ABLIM3: variants seen among roughly 807,000 people sequenced by gnomAD.
The protein encoded by ABLIM3 is actin-binding LIM protein 3.
ABLIM3 carries 61 observed loss-of-function variants against 109.5 expected under a neutral mutation model. The observed-to-expected ratio is 0.56, with a 90% CI of 0.45 to 0.69. The LOEUF is 0.69. ABLIM3 is among the 30% of genes least tolerant of loss of function. ABLIM3 has a pLI of 0.00. For missense variants in ABLIM3, 796 were observed against 889.5 expected (o/e 0.89, Z 1.34); for synonymous variants, 300 against 324.8 (o/e 0.92, Z 0.82).
At chr5:149,173,323 C>T (rs947574179) in intron 2 of ABLIM3, among the ~76,000 whole-genome samples, 11 of 152,230 alleles carry the variant, frequency 7.2e-5, no homozygotes, top group African/African-American at 2.4e-4. Flanking sequence ...TCCAGTAGAC[C>T]TCTGCCCCAT....
chr5:149,250,961 C>T (rs1377424527), intron 20 of ABLIM3, among the ~76,000 whole-genome samples: 1 of 152,146 alleles, frequency 6.6e-6, no homozygotes. Context: ...TGGCCTCTAA[C>T]ATGGCCTGTA....
chr5:149,189,952 A>G (rs527323988), intron 3 of ABLIM3, among the ~76,000 whole-genome samples: 2 of 152,376 alleles, frequency 1.3e-5, no homozygotes, highest in South Asian at 4.1e-4. Context: ...GCCAAAAAGT[A>G]GAAAAACTCA....
chr5:149,167,888 G>A (rs529636267), intron 2 of ABLIM3, among the ~76,000 whole-genome samples: 1 of 152,326 alleles, frequency 6.6e-6, no homozygotes, highest in South Asian at 2.1e-4. Flanking sequence ...TTTGACCTGA[G>A]ATCTGTGGGA....
In ABLIM3 at chr5:149,258,836, A is replaced by C. The variant is rs1045272538; in HGVS notation, c.*432A>C. 3.0e-5 allele frequency: 30 copies of C among 990,436 alleles called. No homozygotes were observed. Among genetic ancestry groups the C allele is most frequent in the African/African-American group, 3.5e-5 (2 of 57,330 alleles). 61.4% of individuals were successfully genotyped at this position (990,436 alleles called of 1,614,324 possible). A position where few individuals can be genotyped will look rare whatever the true frequency, so the allele number is the denominator to read the frequency against. Reference sequence around the variant, plus strand: ...GGGGCCCTCCCATGGGAAGATCTGCAGCAGTCTCCCCAAATCAGTGAGCAC... The same window carrying C: ...GGGGCCCTCCCATGGGAAGATCTGCCGCAGTCTCCCCAAATCAGTGAGCAC... On this transcript the variant is annotated 3_prime_UTR_variant, in exon 24 of 24. Coordinates refer to ENST00000309868, the MANE Select transcript of ABLIM3 (RefSeq NM_014945.5).
At position 149,210,807 on chromosome 5, in the gene ABLIM3, C is replaced by CA. The variant is rs1390023794; in HGVS notation, c.658dup (p.Arg220LysfsTer55). 6.2e-7 allele frequency: 1 copy of CA among 1,614,030 alleles called. No individual in the cohort carries two copies. The highest frequency in any genetic ancestry group is 8.5e-7 in the Non-Finnish European group (1 of 1,179,920). ...AGACTTGTGACCGATACATCAGTGGCAGAGTCTTGGAGGTGAGTGGGTATA... is the reference window on the plus strand; with the variant it reads ...AGACTTGTGACCGATACATCAGTGGCAAGAGTCTTGGAGGTGAGTGGGTATA... On this transcript the variant is annotated frameshift_variant, in exon 7 of 24. Transcript: ENST00000309868. LOFTEE classifies it high-confidence loss of function.
intron 21 of ABLIM3, 122 bp from the exon 22 acceptor site, chr5:149,252,079 T>C: frequency 1.8e-6 from 2 of 1,114,036 alleles, no homozygotes; most frequent in East Asian, 2.5e-5. Context: ...TCTCTGATGG[T>C]CAAGAGAAGG....
At chr5:149,151,015 A>G (rs1201568631) in intron 2 of ABLIM3, among the ~76,000 whole-genome samples, 1 of 152,252 alleles carries the variant, frequency 6.6e-6, no homozygotes, top group Non-Finnish European at 1.5e-5. Context: ...AATAAATAGT[A>G]TATATTAGTT....
intron 3 of ABLIM3, among the ~76,000 whole-genome samples, chr5:149,184,182 A>G (rs997929360): frequency 6.6e-6 from 1 of 152,102 alleles, no homozygotes; most frequent in Non-Finnish European, 1.5e-5. Context: ...TAAAGAAGAC[A>G]GATAATTAGC....
chr5:149,207,027 G>A lies in ABLIM3; in HGVS notation c.468G>A (p.Glu156=), dbSNP rs368280206. ...TTGCAGACTGTGCCGGGTGCAAGGA[G>A]GAGATCAAGCACGGCCAGTCACTCC... The part of the protein sequence containing the change: ...RGPSHCAGCK[E]EIKHGQSLLA... Residue 156 remains glutamate (E), a synonymous_variant, in exon 6 of 24, where the codon GAG becomes GAA. Transcript: ENST00000309868. The A allele has an allele frequency of 9.5e-5, 153 of 1,613,824 alleles. 1 individual carries two copies. The highest frequency in any genetic ancestry group is 2.2e-4 in the Admixed American group (13 of 59,978).
In ABLIM3 at chr5:149,259,432, G is replaced by A. The variant is rs182004195; in HGVS notation, c.*1028G>A. ...TCATCCTCCAGAGAGAAAATAGGCC[G>A]TGTCTCAAAGAAAGGTTCTTGGTCT... On this transcript the variant is annotated 3_prime_UTR_variant, in exon 24 of 24. Coordinates refer to ENST00000309868, the MANE Select transcript of ABLIM3 (RefSeq NM_014945.5). The A allele has an allele frequency of 1.5e-4, 235 of 1,519,074 alleles. No individual in the cohort carries two copies. Among genetic ancestry groups the A allele is most frequent in the East Asian group, 1.5e-3 (61 of 40,630 alleles). The allele number at this position is 1,519,074 out of a possible 1,614,324, so 94.1% of individuals were successfully genotyped here. A position where few individuals can be genotyped will look rare whatever the true frequency, so the allele number is the denominator to read the frequency against.
intron 2 of ABLIM3, among the ~76,000 whole-genome samples, chr5:149,143,341 C>T (rs1409700427): frequency 2.6e-5 from 4 of 151,630 alleles, no homozygotes; most frequent in Admixed American, 6.6e-5. Flanking sequence ...CCAGCCTGGG[C>T]GACAGAGTGA....
In ABLIM3 at chr5:149,252,717, AC is replaced by A. The variant is rs1754050080; in HGVS notation, c.1858-37del. 2.0e-6 allele frequency: 3 copies of A among 1,509,732 alleles called. No homozygotes were observed. The African/African-American group carries it at 4.1e-5, about 21-fold the overall frequency. The allele number at this position is 1,509,732 out of a possible 1,614,324, so 93.5% of individuals were successfully genotyped here. On this transcript the variant is annotated intron_variant, in intron 22 of 23. Transcript: ENST00000309868. ...TGTACCTGAAAGGAACAAGCCCACCACCCTCACCCAAGCTGGAGACCACCCC... is the reference window on the plus strand; with the variant it reads ...TGTACCTGAAAGGAACAAGCCCACCACCTCACCCAAGCTGGAGACCACCCC...
chr5:149,235,218 C>A (rs1187412453), intron 10 of ABLIM3, among the ~76,000 whole-genome samples: 1 of 152,146 alleles, frequency 6.6e-6, no homozygotes, highest in African/African-American at 2.4e-5. Context: ...TGAGCCCATC[C>A]CAAGCATGGC....
intron 23 of ABLIM3, among the ~76,000 whole-genome samples, chr5:149,253,293 T>C (rs182089777): frequency 8.9e-4 from 136 of 152,196 alleles, no homozygotes; most frequent in African/African-American, 3.0e-3. Flanking sequence ...GGCAGCACTA[T>C]GTGGAAGGAA....
At chr5:149,156,810 G>A (rs1318239351) in intron 2 of ABLIM3, among the ~76,000 whole-genome samples, 3 of 152,356 alleles carry the variant, frequency 2.0e-5, no homozygotes, top group Admixed American at 6.5e-5. Flanking sequence ...TGGCATGAAA[G>A]CAGCCATAGA....
intron 22 of ABLIM3, chr5:149,252,551 T>C (rs1287200052): frequency 3.6e-5 from 21 of 575,346 alleles, no homozygotes; most frequent in South Asian, 9.1e-5. Context: ...CCTAGTAGTA[T>C]TAGGGGACTC....
At chr5:149,182,194 C>T (rs570334542) in intron 2 of ABLIM3, among the ~76,000 whole-genome samples, 114 of 152,244 alleles carry the variant, frequency 7.5e-4, no homozygotes, top group Middle Eastern at 3.4e-3. Context: ...TGCTGTGAGT[C>T]CAGATTAATT....
chr5:149,252,830 G>T lies in ABLIM3; in HGVS notation c.1931G>T (p.Arg644Leu), dbSNP rs201757785. ...NRLPKDVDRT[R>L]LERHLSQEEF... ...CTGCCCAAGGATGTAGACAGGACCC[G>T]TTTAGAGGTAAGTCTAAAAAACTGA... The change falls in exon 23 of 24, where the codon CGT becomes CTT. Residue 644 changes from arginine to leucine, a missense_variant. Physicochemically the swap from Arg to Leu is moderately radical, Grantham distance 102. Transcript: ENST00000309868. 1 of 1,612,788 alleles carries T rather than the reference G, an allele frequency of 6.2e-7. No individual in the cohort carries two copies. Among genetic ancestry groups the T allele is most frequent in the East Asian group, 2.2e-5 (1 of 44,858 alleles).
intron 9 of ABLIM3, among the ~76,000 whole-genome samples, chr5:149,232,606 G>C (rs1056493354): frequency 6.6e-6 from 1 of 152,212 alleles, no homozygotes; most frequent in African/African-American, 2.4e-5. Flanking sequence ...CACAGATCAA[G>C]AATCCAAGAT....
Sources: gnomAD v4.1 joint callset for allele counts (sites outside exome capture counted in the v4.1 genomes callset) on GRCh38, gnomAD v4.1.1 for gene constraint, MANE v1.5 for transcripts, NCBI Gene and HGNC (gene_info 2026-07-23, HGNC 2026-07-21) for gene names.